Variants in NT5DC3 observed in about 807,000 individuals in gnomAD.
The protein encoded by NT5DC3 is 5'-nucleotidase domain-containing protein 3.
In NT5DC3, 42 loss-of-function variants were observed where a neutral mutation model predicts 67.8. The ratio of observed to expected loss-of-function variants is 0.62; its 90% CI spans 0.48 to 0.80. The LOEUF is 0.80. Among genes scored for constraint, NT5DC3 ranks in the 30% least tolerant of loss-of-function variants. NT5DC3 has a pLI of 0.00. For missense variants in NT5DC3, 570 were observed against 696.4 expected, an observed-to-expected ratio of 0.82 and a Z score of 2.04; for synonymous variants, 237 against 255.6, an observed-to-expected ratio of 0.93 and a Z score of 0.69.
intron 2 of NT5DC3, 135 bp downstream of exon 2, chr12:103,814,802 G>C: frequency 1.6e-6 from 1 of 615,028 alleles, no homozygotes; most frequent in Non-Finnish European, 2.7e-6. Context: ...ACTTGGAAGG[G>C]AACAAAATCT....
At chr12:103,758,461 C>T in the NT5DC3 span, among the ~76,000 whole-genome samples, 1 of 152,190 alleles carries the variant, frequency 6.6e-6, no homozygotes, top group South Asian at 2.1e-4. Context: ...GGTCTGAGAC[C>T]AGCTGTCAGC....
At chr12:103,801,372 C>CTTTTTTTT (rs869237844) in intron 4 of NT5DC3, among the ~76,000 whole-genome samples, 4 of 78,946 alleles carry the variant, frequency 5.1e-5, no homozygotes, top group African/African-American at 2.2e-4. Flanking sequence ...TTGGGGTGGG[C>CTTTTTTTT]TTTTTTTTTT....
the NT5DC3 span, among the ~76,000 whole-genome samples, chr12:103,764,436 C>CT: frequency 6.6e-6 from 1 of 152,156 alleles, no homozygotes; most frequent in Admixed American, 6.5e-5. Flanking sequence ...GTCAGTGATG[C>CT]TTTAGCTTAG....
At chr12:103,760,556 C>T in the NT5DC3 span, among the ~76,000 whole-genome samples, 1 of 152,134 alleles carries the variant, frequency 6.6e-6, no homozygotes, top group South Asian at 2.1e-4. Flanking sequence ...CTACCATGCC[C>T]AGCCCAAAAT....
At chr12:103,762,380 C>A in the NT5DC3 span, 11 of 1,614,236 alleles carry the variant, frequency 6.8e-6, no homozygotes, top group East Asian at 1.1e-4. Context: ...AACCGGAGAA[C>A]AATCGGCTTC....
At chr12:103,786,985 C>T (rs1000570462) in intron 11 of NT5DC3, among the ~76,000 whole-genome samples, 2 of 152,136 alleles carry the variant, frequency 1.3e-5, no homozygotes, top group African/African-American at 4.8e-5. Flanking sequence ...GCCCAGCCCA[C>T]TGGTTCAGTT....
intron 2 of NT5DC3, among the ~76,000 whole-genome samples, chr12:103,813,702 C>G (rs552842647): frequency 1.3e-5 from 2 of 152,240 alleles, no homozygotes; most frequent in African/African-American, 4.8e-5. Context: ...TTGAGAGAAA[C>G]AAACCAGAGC....
chr12:103,763,838 G>A, the NT5DC3 span: 2 of 442,600 alleles, frequency 4.5e-6, no homozygotes, highest in South Asian at 4.2e-5. Flanking sequence ...ACAGAGACAG[G>A]CGAGAACAAG....
At chr12:103,787,344 T>TCTTAAATAAAAGGTACATC (rs1885833580) in intron 11 of NT5DC3, 97 bp downstream of exon 11, 1 of 562,612 alleles carries the variant, frequency 1.8e-6, no homozygotes, top group Non-Finnish European at 3.0e-6. Context: ...AAAGATATAT[T>TCTTAAATAAAAGGTACATC]CTTAAATAAA....
At chr12:103,815,454 C>T (rs1887210664) in intron 1 of NT5DC3, among the ~76,000 whole-genome samples, 1 of 152,156 alleles carries the variant, frequency 6.6e-6, no homozygotes, top group South Asian at 2.1e-4. Context: ...TAAGGTCTCG[C>T]TCTGTTAACC....
the NT5DC3 span, chr12:103,746,425 C>T: frequency 1.6e-6 from 1 of 616,624 alleles, no homozygotes; most frequent in South Asian, 2.0e-5. Context: ...ATTCTAGAAT[C>T]CCAGAATCTC....
chr12:103,833,718 T>TG (rs1491483151), intron 1 of NT5DC3, among the ~76,000 whole-genome samples: 1 of 109,134 alleles, frequency 9.2e-6, no homozygotes, highest in African/African-American at 3.6e-5. Flanking sequence ...TTAATTCTAA[T>TG]GAAAAAAAAA....
intron 4 of NT5DC3, chr12:103,802,241 GAAGA>G (rs1886620404): frequency 6.6e-6 from 1 of 152,260 alleles, no homozygotes; most frequent in Non-Finnish European, 1.5e-5. Context: ...AACCCCAGGA[GAAGA>G]AAGAGGAGAA....
chr12:103,810,293 G>A (rs4964787), intron 2 of NT5DC3, among the ~76,000 whole-genome samples: 21,628 of 152,026 alleles, frequency 0.14, 1,693 homozygotes, highest in Middle Eastern at 0.28. Context: ...AAACATCCTC[G>A]TGATTGGCCC....
chr12:103,757,055 AATAT>A, the NT5DC3 span, among the ~76,000 whole-genome samples: 1 of 143,500 alleles, frequency 7.0e-6, no homozygotes, highest in African/African-American at 2.5e-5. Context: ...AAAGTATGTA[AATAT>A]ATATTTTAAA....
At chr12:103,805,817 G>C (rs2139388235) in intron 4 of NT5DC3, among the ~76,000 whole-genome samples, 1 of 130,594 alleles carries the variant, frequency 7.7e-6, no homozygotes, top group East Asian at 2.3e-4. Context: ...TTGCACTGCA[G>C]CCTGGGCATC....
chr12:103,772,798 G>A lies in NT5DC3; in HGVS notation c.*5031C>T, dbSNP rs970868160. The A allele has an allele frequency of 6.6e-6, 1 of 152,358 alleles. No homozygotes were observed. Among genetic ancestry groups the A allele is most frequent in the Non-Finnish European group, 1.5e-5 (1 of 68,182 alleles). The allele number at this position is 152,358 out of a possible 1,614,324, so 9.4% of individuals were successfully genotyped here. A position where few individuals can be genotyped will look rare whatever the true frequency, so the allele number is the denominator to read the frequency against. On this transcript the variant is annotated 3_prime_UTR_variant, in exon 14 of 14. Coordinates refer to ENST00000392876, the MANE Select transcript of NT5DC3 (RefSeq NM_001031701.3). ...CGGTAAGGGTTACAGGCAGGAAGGG[G>A]GTATGATCTGGGGCAGGCAGGGCTC...
At chr12:103,814,669 T>C (rs1887171887) in intron 2 of NT5DC3, among the ~76,000 whole-genome samples, 2 of 152,192 alleles carry the variant, frequency 1.3e-5, no homozygotes. Flanking sequence ...TGTCATTCTG[T>C]GAAAGACGAG....
intron 12 of NT5DC3, among the ~76,000 whole-genome samples, chr12:103,780,778 C>CT (rs1346503781): frequency 1.3e-5 from 2 of 152,062 alleles, no homozygotes; most frequent in Non-Finnish European, 2.9e-5. Context: ...TACATGCTAC[C>CT]TATTATACAT....
Sources: gnomAD v4.1 joint callset for allele counts (sites outside exome capture counted in the v4.1 genomes callset) on GRCh38, gnomAD v4.1.1 for gene constraint, MANE v1.5 for transcripts, NCBI Gene and HGNC (gene_info 2026-07-23, HGNC 2026-07-21) for gene names.